Variants in MARCHF11 observed in about 807,000 individuals in gnomAD.
The protein encoded by MARCHF11 is E3 ubiquitin-protein ligase MARCHF11.
Under a neutral mutation model 37.3 loss-of-function variants are expected in MARCHF11, and 29 were observed. The observed-to-expected ratio is 0.78, with a 90% CI of 0.58 to 1.06. The LOEUF (loss-of-function observed/expected upper bound fraction) is 1.06, where lower values mean the gene tolerates loss of function less well. MARCHF11 is among the 50% of genes least tolerant of loss of function. The pLI, the probability that MARCHF11 is intolerant of heterozygous loss-of-function variation, is 0.00. For synonymous variants in MARCHF11, 233 were observed against 228.0 expected (o/e 1.02, Z -0.20); for missense variants, 482 against 533.4 (o/e 0.90, Z 0.95).
rs200730565 is a variant in MARCHF11, at chr5:16,101,375, CA to C, written c.694-10295del. On this transcript the variant is annotated intron_variant, in intron 2 of 3. Transcript: ENST00000332432. ...TGGGCAACAGAGCGAGACTCCATCT[CA>C]AAAAAAAAATGCATTTTAGCTTTTC... Among the ~76,000 whole-genome samples, 193 of 148,852 alleles carry C rather than the reference CA, an allele frequency of 1.3e-3. 2 individuals are homozygous for C. Among genetic ancestry groups the C allele is most frequent in the Non-Finnish European group, 1.2e-3 (78 of 67,054 alleles).
intron 2 of MARCHF11, among the ~76,000 whole-genome samples, chr5:16,119,400 C>T (rs1052420678): frequency 6.6e-6 from 1 of 151,458 alleles, no homozygotes; most frequent in Non-Finnish European, 1.5e-5. Flanking sequence ...GAAGAAACAA[C>T]TGAGGAACAA....
intron 2 of MARCHF11, among the ~76,000 whole-genome samples, chr5:16,105,640 C>T (rs899692747): frequency 6.6e-6 from 1 of 152,100 alleles, no homozygotes; most frequent in Non-Finnish European, 1.5e-5. Flanking sequence ...TGCAGGGGAT[C>T]CCCCAGTCAC....
intron 2 of MARCHF11, among the ~76,000 whole-genome samples, chr5:16,152,531 A>G (rs559943307): frequency 1.3e-5 from 2 of 152,098 alleles, no homozygotes; most frequent in South Asian, 2.1e-4. Context: ...AGCACAGGAT[A>G]AGATTATCTA....
intron 2 of MARCHF11, among the ~76,000 whole-genome samples, chr5:16,168,663 C>G (rs566142294): frequency 6.6e-6 from 1 of 152,232 alleles, no homozygotes; most frequent in East Asian, 1.9e-4. Flanking sequence ...TGCCCTTCTC[C>G]TTCTTTCCAT....
At chr5:16,142,689 C>CT (rs11369577) in intron 2 of MARCHF11, among the ~76,000 whole-genome samples, 59,684 of 110,308 alleles carry the variant, frequency 0.54, 17,387 homozygotes, top group Middle Eastern at 0.6. Flanking sequence ...TATATTTTAT[C>CT]TTTTTTTTTT....
At chr5:16,178,000 T>C (rs530593712) in intron 1 of MARCHF11, 119 bp from the exon 2 acceptor site, 5 of 963,342 alleles carry the variant, frequency 5.2e-6, no homozygotes, top group African/African-American at 3.3e-5. Flanking sequence ...GGCTCTATCA[T>C]AGGAAATGAA....
At chr5:16,075,263 G>A (rs1230923928) in intron 3 of MARCHF11, among the ~76,000 whole-genome samples, 8 of 152,168 alleles carry the variant, frequency 5.3e-5, no homozygotes, top group Admixed American at 3.9e-4. Context: ...TGAGCTTAAA[G>A]CAGAAGACAG....
intron 2 of MARCHF11, among the ~76,000 whole-genome samples, chr5:16,108,760 C>T (rs1737088587): frequency 6.6e-6 from 1 of 152,142 alleles, no homozygotes; most frequent in Non-Finnish European, 1.5e-5. Flanking sequence ...CAGAACAAGA[C>T]CAGTTTATCT....
At chr5:16,149,578 C>T (rs994019906) in intron 2 of MARCHF11, among the ~76,000 whole-genome samples, 3 of 152,072 alleles carry the variant, frequency 2.0e-5, no homozygotes, top group Admixed American at 1.3e-4. Context: ...TGTTCATGCC[C>T]TTGGCCATAA....
intron 2 of MARCHF11, among the ~76,000 whole-genome samples, chr5:16,175,260 T>G (rs565868683): frequency 6.6e-6 from 1 of 152,352 alleles, no homozygotes; most frequent in Admixed American, 6.5e-5. Flanking sequence ...CAGTTGTTGT[T>G]TAAAGCACTA....
intron 2 of MARCHF11, among the ~76,000 whole-genome samples, chr5:16,117,695 C>T (rs1050647026): frequency 2.0e-5 from 3 of 152,276 alleles, no homozygotes; most frequent in African/African-American, 7.2e-5. Context: ...TTGAGACAAG[C>T]CTGGGCAACA....
intron 2 of MARCHF11, among the ~76,000 whole-genome samples, chr5:16,132,113 G>A (rs768513329): frequency 4.6e-5 from 7 of 152,246 alleles, no homozygotes; most frequent in Non-Finnish European, 8.8e-5. Context: ...TGACCAGATG[G>A]TGCAGGGGGA....
At chr5:16,079,895 C>T (rs78648747) in intron 3 of MARCHF11, among the ~76,000 whole-genome samples, 4,130 of 152,242 alleles carry the variant, frequency 0.027, 175 homozygotes, top group African/African-American at 0.094. Context: ...CAAAGCCCTT[C>T]CTGGGTGCTG....
chr5:16,119,497 T>A (rs994798627), intron 2 of MARCHF11, among the ~76,000 whole-genome samples: 1 of 152,048 alleles, frequency 6.6e-6, no homozygotes, highest in African/African-American at 2.4e-5. Flanking sequence ...CTCTGGTACC[T>A]CATCTGGTAC....
intron 2 of MARCHF11, among the ~76,000 whole-genome samples, chr5:16,099,605 G>T (rs6869600): frequency 0.024 from 3,653 of 151,746 alleles, 141 homozygotes; most frequent in African/African-American, 0.084. Context: ...TGTTTTGTTT[G>T]GTTTTTTAAA....
chr5:16,125,605 C>T (rs1737390220), intron 2 of MARCHF11, among the ~76,000 whole-genome samples: 1 of 149,054 alleles, frequency 6.7e-6, no homozygotes, highest in East Asian at 2.0e-4. Flanking sequence ...AGCTGGTGCA[C>T]CCTGGCACAC....
At chr5:16,105,778 G>GC (rs1737029373) in intron 2 of MARCHF11, among the ~76,000 whole-genome samples, 1 of 151,040 alleles carries the variant, frequency 6.6e-6, no homozygotes. Flanking sequence ...CTGGCTTCCT[G>GC]TTTTTTTTTG....
intron 1 of MARCHF11, among the ~76,000 whole-genome samples, chr5:16,178,364 C>T (rs1414089982): frequency 1.3e-5 from 2 of 152,166 alleles, no homozygotes; most frequent in African/African-American, 4.8e-5. Context: ...CTTTTAAAAA[C>T]ATTACACCTA....
intron 3 of MARCHF11, among the ~76,000 whole-genome samples, chr5:16,089,276 A>T (rs1736752487): frequency 6.6e-6 from 1 of 152,122 alleles, no homozygotes; most frequent in Admixed American, 6.5e-5. Flanking sequence ...TATATCATTC[A>T]TGCTGAAAGA....
Sources: allele counts gnomAD v4.1 joint callset (sites outside exome capture counted in the v4.1 genomes callset), GRCh38; gene constraint gnomAD v4.1.1; transcripts MANE v1.5; gene names NCBI Gene and HGNC (gene_info 2026-07-23, HGNC 2026-07-21).